EYS: variants seen among roughly 807,000 people sequenced by gnomAD.
EYS encodes the protein protein eyes shut homolog.
EYS carries 250 observed loss-of-function variants against 282.1 expected under a neutral mutation model. The observed-to-expected ratio is 0.89, with a 90% confidence interval of 0.80 to 0.98. The LOEUF (loss-of-function observed/expected upper bound fraction) is 0.98. EYS is among the 50% of genes least tolerant of loss of function. The pLI is 0.00. For synonymous variants in EYS, 1,355 were observed against 1,282.9 expected (o/e 1.06, Z -1.20); for missense variants, 4,016 against 3,709.0 (o/e 1.08, Z -2.15).
intron 18 of EYS, among the ~76,000 whole-genome samples, chr6:64,900,841 C>T (rs542275208): frequency 6.6e-6 from 1 of 152,112 alleles, no homozygotes; most frequent in Non-Finnish European, 1.5e-5. Context: ...GGTGATTCCT[C>T]AAGGATCTAG....
At chr6:65,624,783 C>A (rs577126373) in intron 2 of EYS, among the ~76,000 whole-genome samples, 3 of 152,182 alleles carry the variant, frequency 2.0e-5, no homozygotes, top group African/African-American at 7.2e-5. Flanking sequence ...TTTGGACTTA[C>A]ACTACTGTAT....
At chr6:63,738,342 G>A (rs186571830) in intron 41 of EYS, among the ~76,000 whole-genome samples, 1,801 of 152,068 alleles carry the variant, frequency 0.012, 29 homozygotes, top group African/African-American at 0.042. Context: ...CAACACAAAT[G>A]TCCAACAATG....
intron 12 of EYS, among the ~76,000 whole-genome samples, chr6:65,141,944 A>C (rs564318671): frequency 6.6e-6 from 1 of 152,168 alleles, no homozygotes; most frequent in South Asian, 2.1e-4. Flanking sequence ...TTTGGTAAAC[A>C]GAAAGAAATG....
At chr6:63,941,497 T>A (rs932625860) in intron 35 of EYS, among the ~76,000 whole-genome samples, 2 of 152,242 alleles carry the variant, frequency 1.3e-5, no homozygotes, top group African/African-American at 4.8e-5. Flanking sequence ...GAGAAGTGTC[T>A]GTTCATATCC....
At chr6:63,749,820 C>A (rs1769299000) in intron 41 of EYS, among the ~76,000 whole-genome samples, 1 of 152,304 alleles carries the variant, frequency 6.6e-6, no homozygotes, top group African/African-American at 2.4e-5. Context: ...CCAACTTCCT[C>A]CCTCTTCAGC....
At chr6:63,826,383 C>G (rs915903962) in intron 36 of EYS, among the ~76,000 whole-genome samples, 4 of 152,168 alleles carry the variant, frequency 2.6e-5, no homozygotes, top group African/African-American at 9.7e-5. Flanking sequence ...ACAAGAAGCA[C>G]AAAGAGCACC....
chr6:64,237,164 G>A (rs1252330128), intron 30 of EYS, among the ~76,000 whole-genome samples: 1 of 152,092 alleles, frequency 6.6e-6, no homozygotes, highest in Non-Finnish European at 1.5e-5. Flanking sequence ...GAAACTTGCT[G>A]TTGTTTCAAA....
At chr6:64,249,063 CAAAAA>C (rs34663169) in intron 30 of EYS, among the ~76,000 whole-genome samples, 2 of 70,056 alleles carry the variant, frequency 2.9e-5, no homozygotes, top group African/African-American at 7.0e-5. Flanking sequence ...CACCCTGTCT[CAAAAA>C]AAAAAAAAAA....
chr6:65,238,615 T>C (rs1326464285), intron 12 of EYS, among the ~76,000 whole-genome samples: 1 of 151,990 alleles, frequency 6.6e-6, no homozygotes, highest in Non-Finnish European at 1.5e-5. Context: ...TAAAAAATAA[T>C]GATCCACCAT....
chr6:65,221,102 T>C (rs532758032), intron 12 of EYS, among the ~76,000 whole-genome samples: 2 of 152,298 alleles, frequency 1.3e-5, no homozygotes, highest in Middle Eastern at 3.4e-3. Context: ...TTGGAACTTA[T>C]ATTTAAAAGG....
intron 31 of EYS, among the ~76,000 whole-genome samples, chr6:64,139,275 A>G (rs1774260716): frequency 6.6e-6 from 1 of 152,132 alleles, no homozygotes; most frequent in Admixed American, 6.5e-5. Flanking sequence ...TCCCAAAGAA[A>G]CTTTGGCAAC....
intron 14 of EYS, among the ~76,000 whole-genome samples, chr6:64,991,485 A>G (rs1183944887): frequency 2.0e-5 from 3 of 151,608 alleles, no homozygotes; most frequent in Non-Finnish European, 4.4e-5. Flanking sequence ...TATCATAATA[A>G]TCAATCAGTC....
At chr6:63,758,317 T>C (rs1003136992) in intron 41 of EYS, among the ~76,000 whole-genome samples, 8 of 152,178 alleles carry the variant, frequency 5.3e-5, no homozygotes, top group Admixed American at 2.6e-4. Context: ...GAAAACATTA[T>C]CTTTTTAAAA....
intron 31 of EYS, among the ~76,000 whole-genome samples, chr6:64,165,951 A>C (rs947654557): frequency 2.0e-5 from 3 of 152,222 alleles, no homozygotes; most frequent in Admixed American, 6.5e-5. Context: ...ATTTCTATCA[A>C]CTAAGATCTT....
chr6:64,812,240 TACACAC>T (rs71739816), intron 22 of EYS, among the ~76,000 whole-genome samples: 3,864 of 148,026 alleles, frequency 0.026, 158 homozygotes, highest in African/African-American at 0.087. Context: ...GGATTTAAAA[TACACAC>T]ACACACACAC....
Position 64,551,002 on chromosome 6 carries a change from A to C in EYS, c.5644+39221T>G, listed in dbSNP as rs1445672157. Among the ~76,000 whole-genome samples, 3 of 152,066 alleles carry C rather than the reference A, an allele frequency of 2.0e-5. No homozygotes were observed. In the East Asian group the frequency reaches 5.8e-4, roughly 29 times the overall value. Reference sequence around the variant, plus strand: ...AACTGGCCAGAAACAGAAATTCCTCAAGTGCTTAGCAGAAAAGCCTAGCTA... The same window carrying C: ...AACTGGCCAGAAACAGAAATTCCTCCAGTGCTTAGCAGAAAAGCCTAGCTA... On this transcript the variant is annotated intron_variant, in intron 26 of 42. Transcript: ENST00000503581.
chr6:64,998,014 G>A (rs1441763229), intron 13 of EYS, among the ~76,000 whole-genome samples: 1 of 152,084 alleles, frequency 6.6e-6, no homozygotes, highest in Non-Finnish European at 1.5e-5. Flanking sequence ...GTTTTTGGCA[G>A]TACACAATAT....
chr6:65,589,710 A>C (rs1212063495), intron 2 of EYS, among the ~76,000 whole-genome samples: 3 of 152,002 alleles, frequency 2.0e-5, no homozygotes, highest in Non-Finnish European at 4.4e-5. Flanking sequence ...TTAAATCTTA[A>C]AAGTACATAT....
At chr6:64,955,279 G>A (rs945473508) in intron 14 of EYS, among the ~76,000 whole-genome samples, 8 of 151,290 alleles carry the variant, frequency 5.3e-5, no homozygotes, top group Admixed American at 5.3e-4. Context: ...AGAAAGGAAA[G>A]ATCACAATAA....
Sources: allele counts gnomAD v4.1 joint callset (sites outside exome capture counted in the v4.1 genomes callset), GRCh38; gene constraint gnomAD v4.1.1; transcripts MANE v1.5; gene names NCBI Gene and HGNC (gene_info 2026-07-23, HGNC 2026-07-21).